STAB2: variants seen among roughly 807,000 people sequenced by gnomAD.
The protein encoded by STAB2 is stabilin 2.
In STAB2, 288 loss-of-function variants were observed where a neutral mutation model predicts 338.1. The observed-to-expected ratio is 0.85, with a 90% CI of 0.77 to 0.94. The LOEUF is 0.94. Among genes scored for constraint, STAB2 ranks in the 40% least tolerant of loss-of-function variants. The pLI, the probability that STAB2 is intolerant of heterozygous loss-of-function variation, is 0.00. For synonymous variants in STAB2, 1,202 were observed against 1,193.3 expected, an observed-to-expected ratio of 1.01 and a Z score of -0.15; for missense variants, 3,141 against 3,210.1, an observed-to-expected ratio of 0.98 and a Z score of 0.52.
At position 103,590,907 on chromosome 12, in the gene STAB2, G is replaced by A. The variant is rs1185196161; in HGVS notation, c.92G>A (p.Cys31Tyr). Residue 31 changes from cysteine (C) to tyrosine (Y), a missense_variant, in exon 2 of 69, where the codon TGT (cysteine) becomes TAT (tyrosine). Physicochemically the swap from Cys to Tyr is radical, Grantham distance 194 (BLOSUM62 -2). Transcript: ENST00000388887. Reference sequence around the variant, plus strand: ...TTAATATTTACACAGGCAAGAAGATGTGATAGGAAGTCTCTTCTTACAATT... The same window carrying A: ...TTAATATTTACACAGGCAAGAAGATATGATAGGAAGTCTCTTCTTACAATT... ...PAETTGQARR[C>Y]DRKSLLTIRT... 6.2e-7 allele frequency: 1 copy of A among 1,613,990 alleles called. No individual in the cohort carries two copies. The highest frequency in any genetic ancestry group is 1.3e-5 in the African/African-American group (1 of 74,892).
At chr12:103,618,227 A>C (rs750211297) in intron 3 of STAB2, among the ~76,000 whole-genome samples, 4 of 152,164 alleles carry the variant, frequency 2.6e-5, no homozygotes, top group Non-Finnish European at 4.4e-5. Context: ...ATTAGGTCCT[A>C]AGAACAGGGC....
rs1180132950 is a variant in STAB2 at position 103,677,613 on chromosome 12, T to A, written c.2805+2T>A. 1.2e-6 allele frequency: 2 copies of A among 1,609,210 alleles called. No individual in the cohort carries two copies. Among genetic ancestry groups the A allele is most frequent in the African/African-American group, 1.3e-5 (1 of 74,804 alleles). The stretch of plus-strand genomic sequence containing the variant: ...TGTTTGTATGTGGGTCCCGGGCAGG[T>A]AGGTTGGATGTCATGAGAGCAAAGA... On this transcript the variant is annotated splice_donor_variant, in intron 25 of 68. Coordinates refer to ENST00000388887, the MANE Select transcript of STAB2 (RefSeq NM_017564.10). LOFTEE classifies it high-confidence loss of function.
intron 33 of STAB2, 115 bp from the exon 34 acceptor site, chr12:103,698,981 C>G: frequency 7.6e-7 from 1 of 1,320,756 alleles, no homozygotes; most frequent in Non-Finnish European, 1.0e-6. Context: ...TCAAAACTTC[C>G]ACTTGGACAA....
At position 103,762,126 on chromosome 12, in the gene STAB2, G is replaced by A; in HGVS notation, c.7360-148G>A. On this transcript the variant is annotated intron_variant, in intron 66 of 68. Coordinates refer to ENST00000388887, the MANE Select transcript of STAB2 (RefSeq NM_017564.10). Reference sequence around the variant, plus strand: ...TGGGTTATTTCACAGAAGGGTATTAGACCCTGGCAGTAATAAGGGCCAGAT... The same window carrying A: ...TGGGTTATTTCACAGAAGGGTATTAAACCCTGGCAGTAATAAGGGCCAGAT... The A allele has an allele frequency of 4.8e-6, 5 of 1,039,436 alleles. No individual in the cohort carries two copies. In the South Asian group the frequency reaches 8.0e-5, roughly 17 times the overall value. The allele number at this position is 1,039,436 out of a possible 1,614,324, so 64.4% of individuals were successfully genotyped here. A position where few individuals can be genotyped will look rare whatever the true frequency, so the allele number is the denominator to read the frequency against.
rs557994226 is a variant in STAB2, at chr12:103,749,824, A to G, written c.6438+668A>G. ...CACTGCACTCCAGCCTGGGTGACAG[A>G]GCAAGACTCTGTCTCACAAAAAAAA... is the stretch of plus-strand genomic sequence containing the variant. On this transcript the variant is annotated intron_variant, in intron 59 of 68. Coordinates refer to ENST00000388887, the MANE Select transcript of STAB2 (RefSeq NM_017564.10). Among the ~76,000 whole-genome samples, 223 of 123,228 alleles carry G rather than the reference A, an allele frequency of 1.8e-3. 3 individuals are homozygous for G. The South Asian group carries it at 0.022, about 12-fold the overall frequency. The allele number at this position is 123,228 out of a possible 152,430, so 80.8% of individuals were successfully genotyped here.
At chr12:103,625,433 A>C (rs112993553) in intron 5 of STAB2, among the ~76,000 whole-genome samples, 2 of 152,146 alleles carry the variant, frequency 1.3e-5, no homozygotes, top group African/African-American at 4.8e-5. Flanking sequence ...ATATGTGTAC[A>C]TGTGCAATGT....
chr12:103,685,220 A>AGCATGTATGTCATCTG, intron 27 of STAB2, 136 bp downstream of exon 27: 1 of 794,500 alleles, frequency 1.3e-6, no homozygotes, highest in Non-Finnish European at 2.0e-6. Context: ...TTTCTCACAG[A>AGCATGTATGTCATCTG]TGACATACAT....
At chr12:103,602,042 C>A (rs1256351369) in intron 3 of STAB2, among the ~76,000 whole-genome samples, 3 of 152,144 alleles carry the variant, frequency 2.0e-5, no homozygotes, top group Non-Finnish European at 4.4e-5. Flanking sequence ...TTTGACAAAC[C>A]TGAAGAGTTG....
chr12:103,762,345 G>C lies in STAB2; in HGVS notation c.7431G>C (p.Leu2477Phe). 6.2e-7 allele frequency: 1 copy of C among 1,614,170 alleles called. No individual in the cohort carries two copies. Among genetic ancestry groups the C allele is most frequent in the Non-Finnish European group, 8.5e-7 (1 of 1,180,038 alleles). Residue 2477 changes from leucine to phenylalanine, a missense_variant, in exon 67 of 69, where the codon TTG (leucine) becomes TTC (phenylalanine). Leu to Phe is a conservative substitution (Grantham distance 22, BLOSUM62 0). Coordinates refer to ENST00000388887, the MANE Select transcript of STAB2 (RefSeq NM_017564.10). ...AIILVTGAVA[L>F]AAYSYFRINR... is the part of the protein sequence containing the mutation. ...TCCTGGTGACTGGGGCTGTTGCCTT[G>C]GCTGCTTACTCCTACTTTCGGATAA...
chr12:103,652,126 T>C (rs558053162), intron 11 of STAB2, among the ~76,000 whole-genome samples: 118 of 152,356 alleles, frequency 7.7e-4, no homozygotes, highest in African/African-American at 2.6e-3. Flanking sequence ...AACTTTTCTA[T>C]TCAAAAGTAC....
At chr12:103,640,084 C>G in intron 8 of STAB2, 39 bp from the exon 9 acceptor site, 1 of 1,572,786 alleles carries the variant, frequency 6.4e-7, no homozygotes. Flanking sequence ...AAGTAACTAA[C>G]TAGGATCCTA....
chr12:103,652,763 A>G lies in STAB2; in HGVS notation c.1407+58A>G, dbSNP rs573888946. The G allele has an allele frequency of 5.4e-5, 79 of 1,455,864 alleles. No homozygotes were observed. The African/African-American group carries it at 1.1e-3, about 20-fold the overall frequency. The allele number at this position is 1,455,864 out of a possible 1,614,324, so 90.2% of individuals were successfully genotyped here. ...TAAATTATCCACCAAGCCAATGCCC[A>G]TATCCTTCTCTCTCTTTTTGTTTGG... is the stretch of plus-strand genomic sequence containing the variant. On this transcript the variant is annotated intron_variant, in intron 12 of 68. Coordinates refer to ENST00000388887, the MANE Select transcript of STAB2 (RefSeq NM_017564.10).
In STAB2 at chr12:103,745,227, A is replaced by G. The variant is rs1882930566; in HGVS notation, c.6086A>G (p.Gln2029Arg). 6 of 1,614,084 alleles carry G rather than the reference A, an allele frequency of 3.7e-6. No individual in the cohort carries two copies. The Middle Eastern group carries it at 5.0e-4, about 133-fold the overall frequency. Reference protein sequence around the residue: ...QCDDGITGSGQCLCETGWTGP... With the variant: ...QCDDGITGSGRCLCETGWTGP... ...GATGATGGCATCACGGGCTCCGGGC[A>G]GTGCCTCTGTGAAACGGGGTGGACA... Residue 2029 changes from glutamine (Q) to arginine (R), a missense_variant, in exon 57 of 69, where the codon CAG becomes CGG. Gln to Arg is a conservative substitution (Grantham distance 43). Coordinates refer to ENST00000388887, the MANE Select transcript of STAB2 (RefSeq NM_017564.10).
intron 45 of STAB2, among the ~76,000 whole-genome samples, chr12:103,725,343 A>T (rs148556152): frequency 6.6e-6 from 1 of 152,356 alleles, no homozygotes; most frequent in East Asian, 1.9e-4. Flanking sequence ...CTTGGGTTTG[A>T]ATTCAGTTCT....
rs778310277 is a variant in STAB2, at chr12:103,662,844, A to G, written c.1870-2A>G. The G allele has an allele frequency of 1.2e-6, 2 of 1,613,236 alleles. No individual in the cohort carries two copies. Among genetic ancestry groups the G allele is most frequent in the African/African-American group, 2.7e-5 (2 of 74,824 alleles). On this transcript the variant is annotated splice_acceptor_variant, in intron 17 of 68. Coordinates refer to ENST00000388887, the MANE Select transcript of STAB2 (RefSeq NM_017564.10). LOFTEE classifies it high-confidence loss of function. ...ATTAGAGATGTCATTTTTTCTTTCC[A>G]GGGACAGATTCTGGCAAATGATGTG...
intron 3 of STAB2, among the ~76,000 whole-genome samples, chr12:103,602,353 G>A (rs938126632): frequency 2.0e-5 from 3 of 152,130 alleles, no homozygotes; most frequent in Non-Finnish European, 4.4e-5. Flanking sequence ...GACACAGTTT[G>A]TTTAGCTATT....
At chr12:103,712,042 A>C (rs1176709355) in intron 40 of STAB2, among the ~76,000 whole-genome samples, 1 of 152,256 alleles carries the variant, frequency 6.6e-6, no homozygotes, top group African/African-American at 2.4e-5. Context: ...GGGCTATTGG[A>C]TAGTGAGTAG....
intron 29 of STAB2, among the ~76,000 whole-genome samples, 176 bp from the exon 30 acceptor site, chr12:103,690,248 T>G (rs527787249): frequency 6.6e-6 from 1 of 152,236 alleles, no homozygotes; most frequent in Non-Finnish European, 1.5e-5. Context: ...TTTACAGATA[T>G]GGAAACCAAA....
chr12:103,663,051 G>A (rs1874761884), intron 18 of STAB2, 53 bp downstream of exon 18: 8 of 1,596,336 alleles, frequency 5.0e-6, no homozygotes, highest in South Asian at 1.1e-5. Context: ...TCAGAGCAGA[G>A]AGCATCCCAC....
Sources: allele counts gnomAD v4.1 joint callset (sites outside exome capture counted in the v4.1 genomes callset), GRCh38; gene constraint gnomAD v4.1.1; transcripts MANE v1.5; gene names NCBI Gene and HGNC (gene_info 2026-07-23, HGNC 2026-07-21).